The following TMEM45A variants were observed in gnomAD, a reference collection of about 807,000 sequenced individuals.
TMEM45A encodes DNA polymerase-transactivated protein 4.
A neutral mutation model predicts 32.0 loss-of-function variants in TMEM45A; 25 were observed. The observed-to-expected ratio is 0.78, with a 90% CI of 0.57 to 1.09. The LOEUF is 1.09. Among genes scored for constraint, TMEM45A ranks in the 50% least tolerant of loss-of-function variants. The pLI, the probability that TMEM45A is intolerant of heterozygous loss-of-function variation, is 0.00. For synonymous variants in TMEM45A, 122 were observed against 114.8 expected (o/e 1.06, Z -0.40); for missense variants, 302 against 325.0 (o/e 0.93, Z 0.54).
intron 1 of TMEM45A, among the ~76,000 whole-genome samples, chr3:100,541,705 A>G (rs1469778619): frequency 6.6e-6 from 1 of 151,380 alleles, no homozygotes; most frequent in Non-Finnish European, 1.5e-5. Flanking sequence ...AACTTTTTAT[A>G]TTTTTAGTAG....
intron 1 of TMEM45A, among the ~76,000 whole-genome samples, chr3:100,501,980 AATTTAAGGAATTT>A (rs1708013813): frequency 6.6e-6 from 1 of 152,212 alleles, no homozygotes; most frequent in Non-Finnish European, 1.5e-5. Context: ...ACCAAGGTGA[AATTTAAGGAATTT>A]CTGAACTTCA....
At chr3:100,495,394 G>A (rs1217245881) in intron 1 of TMEM45A, among the ~76,000 whole-genome samples, 1 of 152,178 alleles carries the variant, frequency 6.6e-6, no homozygotes, top group Non-Finnish European at 1.5e-5. Flanking sequence ...CCTTTTGCAG[G>A]GGCAAAGGCA....
At position 100,499,046 on chromosome 3, in the gene TMEM45A, GT is replaced by G. The variant is rs1003587281; in HGVS notation, c.-4+6127del. Among the ~76,000 whole-genome samples, 33 of 150,310 alleles carry G rather than the reference GT, an allele frequency of 2.2e-4. 1 individual carries two copies. The highest frequency in any genetic ancestry group is 9.7e-4 in the East Asian group (5 of 5,148). On this transcript the variant is annotated intron_variant, in intron 1 of 5. Coordinates refer to ENST00000323523, the MANE Select transcript of TMEM45A (RefSeq NM_018004.3). ...ATCTTTTGCCCATTTTAAAATTAGG[GT>G]TTTTTTTTCGTGTGTTGTAGAAGTT...
intron 2 of TMEM45A, 58 bp downstream of exon 2, chr3:100,555,459 G>A (rs767884040): frequency 6.8e-7 from 1 of 1,474,864 alleles, no homozygotes; most frequent in African/African-American, 1.4e-5. Flanking sequence ...TTCTTTTAAA[G>A]AATTGGTTGG....
At chr3:100,523,572 C>T (rs1705477124) in intron 1 of TMEM45A, among the ~76,000 whole-genome samples, 1 of 152,194 alleles carries the variant, frequency 6.6e-6, no homozygotes, top group Non-Finnish European at 1.5e-5. Context: ...GATTCTTGCA[C>T]TTGGAGAGTG....
At chr3:100,510,251 C>T (rs1311659275) in intron 1 of TMEM45A, among the ~76,000 whole-genome samples, 3 of 152,138 alleles carry the variant, frequency 2.0e-5, no homozygotes, top group Non-Finnish European at 4.4e-5. Context: ...AGTGGTTCTC[C>T]CAGCATGCAG....
intron 1 of TMEM45A, among the ~76,000 whole-genome samples, chr3:100,543,036 A>G (rs1326141031): frequency 6.6e-6 from 1 of 152,194 alleles, no homozygotes; most frequent in Non-Finnish European, 1.5e-5. Flanking sequence ...TGAATCATAT[A>G]TCCACTAAAA....
chr3:100,506,619 T>A (rs1708083641), intron 1 of TMEM45A, among the ~76,000 whole-genome samples: 3 of 152,344 alleles, frequency 2.0e-5, no homozygotes, highest in Middle Eastern at 6.8e-3. Context: ...CTCTTTCATG[T>A]CTATGAGTGT....
intron 1 of TMEM45A, among the ~76,000 whole-genome samples, chr3:100,503,765 C>G (rs1708039807): frequency 6.6e-6 from 1 of 152,148 alleles, no homozygotes; most frequent in African/African-American, 2.4e-5. Context: ...TCTTGTTTTA[C>G]CCTCATGGAC....
chr3:100,551,689 G>T (rs1706106631), intron 1 of TMEM45A, among the ~76,000 whole-genome samples: 1 of 152,128 alleles, frequency 6.6e-6, no homozygotes, highest in African/African-American at 2.4e-5. Flanking sequence ...TGTTTTTATT[G>T]CCAGGAGTAA....
At chr3:100,504,279 C>T (rs1438739694) in intron 1 of TMEM45A, among the ~76,000 whole-genome samples, 2 of 151,782 alleles carry the variant, frequency 1.3e-5, no homozygotes, top group Admixed American at 6.6e-5. Context: ...GCTTGGATAT[C>T]GCCACAATGT....
At chr3:100,558,839 G>A (rs1207954701) in intron 4 of TMEM45A, among the ~76,000 whole-genome samples, 1 of 152,154 alleles carries the variant, frequency 6.6e-6, no homozygotes, top group African/African-American at 2.4e-5. Context: ...ACTCTGAGCC[G>A]ATGCTTTTAG....
Position 100,514,813 on chromosome 3 carries a change from G to A in TMEM45A, c.-4+21885G>A, listed in dbSNP as rs537314479. ...CAAACAACCCCATCAAAAAGTGGGC[G>A]AAGGACATGAACAGACACTTCTCAA... On this transcript the variant is annotated intron_variant, in intron 1 of 5. Coordinates refer to ENST00000323523, the MANE Select transcript of TMEM45A (RefSeq NM_018004.3). Among the ~76,000 whole-genome samples the A allele has an allele frequency of 5.5e-3, 832 of 150,680 alleles. 4 individuals are homozygous for A. Among genetic ancestry groups the A allele is most frequent in the Non-Finnish European group, 7.0e-3 (474 of 67,466 alleles).
At chr3:100,565,247 A>G (rs1387531674) in intron 4 of TMEM45A, among the ~76,000 whole-genome samples, 1 of 152,092 alleles carries the variant, frequency 6.6e-6, no homozygotes, top group Non-Finnish European at 1.5e-5. Flanking sequence ...ATGAGTGAGG[A>G]TTACCGTTTA....
At chr3:100,510,235 G>A (rs892068304) in intron 1 of TMEM45A, among the ~76,000 whole-genome samples, 5 of 152,238 alleles carry the variant, frequency 3.3e-5, no homozygotes, top group African/African-American at 9.6e-5. Context: ...CAGCTTTGAA[G>A]AGAGCAGTGG....
At chr3:100,556,241 G>C (rs769411366) in intron 2 of TMEM45A, among the ~76,000 whole-genome samples, 7 of 152,140 alleles carry the variant, frequency 4.6e-5, no homozygotes, top group Admixed American at 3.3e-4. Flanking sequence ...TCGGCCTCCC[G>C]AAGTGTTGGG....
intron 1 of TMEM45A, among the ~76,000 whole-genome samples, chr3:100,517,230 C>G (rs142645483): frequency 6.6e-6 from 1 of 152,172 alleles, no homozygotes; most frequent in Non-Finnish European, 1.5e-5. Context: ...GATTCTCCTG[C>G]CTTAGCCTCC....
At chr3:100,567,963 G>A (rs1033116646) in intron 4 of TMEM45A, among the ~76,000 whole-genome samples, 1 of 151,614 alleles carries the variant, frequency 6.6e-6, no homozygotes, top group African/African-American at 2.4e-5. Context: ...TTTTTTGTAT[G>A]TTTAGTAGAG....
intron 5 of TMEM45A, chr3:100,570,968 G>T (rs901154136): frequency 4.8e-4 from 70 of 145,724 alleles, no homozygotes; most frequent in African/African-American, 1.6e-3. Flanking sequence ...AAGAGTTTTT[G>T]TTTTTTTTTT....
Sources: gnomAD v4.1 joint callset for allele counts (sites outside exome capture counted in the v4.1 genomes callset) on GRCh38, gnomAD v4.1.1 for gene constraint, MANE v1.5 for transcripts, NCBI Gene and HGNC (gene_info 2026-07-23, HGNC 2026-07-21) for gene names.